The following QSOX2 variants were observed in gnomAD, a reference collection of about 807,000 sequenced individuals.
QSOX2 encodes quiescin sulfhydryl oxidase 2, also known as sulfhydryl oxidase 2.
QSOX2 carries 46 observed loss-of-function variants against 61.7 expected under a neutral mutation model. The observed-to-expected ratio is 0.75, with a 90% CI of 0.59 to 0.95. QSOX2 has a LOEUF of 0.95. Ranked by LOEUF, QSOX2 falls within the 40% of genes least tolerant of loss-of-function variation. QSOX2 has a pLI of 0.00. For missense variants in QSOX2, 879 were observed against 918.9 expected (o/e 0.96, Z 0.56); for synonymous variants, 383 against 388.4 (o/e 0.99, Z 0.16).
rs1326355036 is a variant in QSOX2 at position 136,209,332 on chromosome 9, G to A, written c.1550-57C>T. On this transcript the variant is annotated intron_variant, in intron 11 of 11. Transcript: ENST00000358701. This position sits in a 1 kb window ranked among gnomAD's most constrained non-coding sequence, Gnocchi z 5.6. ...GGAAGGAGGCTTTGTGCAGCCACGT[G>A]CAGCGTGCGGCAACCGGACTCCCAC... 6.4e-7 allele frequency: 1 copy of A among 1,564,792 alleles called. No homozygotes were observed. The highest frequency in any genetic ancestry group is 8.7e-7 in the Non-Finnish European group (1 of 1,153,312).
Position 136,234,907 on chromosome 9 carries a change from T to C in QSOX2, c.329-8033A>G, listed in dbSNP as rs370723754. Among the ~76,000 whole-genome samples the C allele has an allele frequency of 1.3e-4, 18 of 143,610 alleles. No individual in the cohort carries two copies. The East Asian group carries it at 3.0e-3, about 24-fold the overall frequency. The allele number at this position is 143,610 out of a possible 152,430, so 94.2% of individuals were successfully genotyped here. A position where few individuals can be genotyped will look rare whatever the true frequency, so the allele number is the denominator to read the frequency against. ...CCACAGGCGAGTCTTGCTCCAGTCA[T>C]GTCTGGACTGTGTGACCCCCGCTCC... On this transcript the variant is annotated intron_variant, in intron 1 of 11. Coordinates refer to ENST00000358701, the MANE Select transcript of QSOX2 (RefSeq NM_181701.4).
rs988987252 is a variant in QSOX2 at position 136,221,271 on chromosome 9, C to T, written c.821+525G>A. Reference sequence around the variant, plus strand: ...GCGAAGGGCTTATCCTCATGAGGGGCACACGGGCACCCCACGCAGAGGCAA... The same window carrying T: ...GCGAAGGGCTTATCCTCATGAGGGGTACACGGGCACCCCACGCAGAGGCAA... On this transcript the variant is annotated intron_variant, in intron 6 of 11. Coordinates refer to ENST00000358701, the MANE Select transcript of QSOX2 (RefSeq NM_181701.4). The surrounding 1 kb of genome is among the most constrained non-coding windows in gnomAD (Gnocchi z 4.5). 3.9e-5 allele frequency among the ~76,000 whole-genome samples: 6 copies of T among 152,204 alleles called. No individual in the cohort carries two copies. Among genetic ancestry groups the T allele is most frequent in the Non-Finnish European group, 7.3e-5 (5 of 68,040 alleles).
At chr9:136,229,628 C>T (rs1383136023) in intron 1 of QSOX2, among the ~76,000 whole-genome samples, 1 of 152,162 alleles carries the variant, frequency 6.6e-6, no homozygotes, top group African/African-American at 2.4e-5. Flanking sequence ...TCAAGCCGGC[C>T]TAGAAACAGC....
Position 136,208,869 on chromosome 9 carries a change from G to A in QSOX2, c.1956C>T (p.Leu652=), listed in dbSNP as rs148735257. The change falls in exon 12 of 12, where the codon CTC becomes CTT. Residue 652 remains leucine, a synonymous_variant. Transcript: ENST00000358701. ...HKEVGGAAPF[L]GVDFSSLDMS... ...TGTCCAGGCTGGAGAAGTCAACCCC[G>A]AGGAAGGGTGCGGCCCCGCCCACCT... 32 of 1,613,984 alleles carry A rather than the reference G, an allele frequency of 2.0e-5. No individual in the cohort carries two copies. In the African/African-American group the frequency reaches 3.5e-4, roughly 17 times the overall value.
intron 1 of QSOX2, 30 bp downstream of exon 1, chr9:136,245,446 G>A (rs782720647): frequency 1.3e-6 from 2 of 1,552,518 alleles, no homozygotes; most frequent in South Asian, 1.1e-5. Context: ...CCCGGGGGTC[G>A]GGGGGTCCCC....
rs751628576 is a variant in QSOX2 at position 136,208,987 on chromosome 9, C to A, written c.1838G>T (p.Gly613Val). 6.2e-7 allele frequency: 1 copy of A among 1,613,784 alleles called. No homozygotes were observed. The highest frequency in any genetic ancestry group is 8.5e-7 in the Non-Finnish European group (1 of 1,179,790). The change falls in exon 12 of 12, where the codon GGT becomes GTT. Residue 613 changes from glycine to valine, a missense_variant. Gly to Val is a moderately radical substitution (Grantham distance 109). Coordinates refer to ENST00000358701, the MANE Select transcript of QSOX2 (RefSeq NM_181701.4). ...DRDTQSVRPP[G>V]ALGPRPALPE... ...AAGGGCAGGCCTGGGGCCCAGTGCA[C>A]CAGGTGGACGGACGCTCTGGGTGTC...
rs1830391632 is a variant in QSOX2 at position 136,237,125 on chromosome 9, A to ATCCTGGGCCGGCGTCACCTGGAGCCCG, written c.328+8324_328+8350dup. 3.0e-4 allele frequency among the ~76,000 whole-genome samples: 19 copies of ATCCTGGGCCGGCGTCACCTGGAGCCCG among 62,500 alleles called. No individual in the cohort carries two copies. The South Asian group carries it at 9.9e-3, about 33-fold the overall frequency. 41.0% of individuals were successfully genotyped at this position (62,500 alleles called of 152,430 possible). The stretch of plus-strand genomic sequence containing the variant: ...CTGTCTTGTGCCACACCTGGAGCCC[A>ATCCTGGGCCGGCGTCACCTGGAGCCCG]TCCTGGGCCGGCGTCACCTGGAGCC... On this transcript the variant is annotated intron_variant, in intron 1 of 11. Transcript: ENST00000358701.
intron 1 of QSOX2, among the ~76,000 whole-genome samples, chr9:136,236,848 T>C (rs1457075118): frequency 6.8e-6 from 1 of 146,846 alleles, no homozygotes; most frequent in African/African-American, 2.6e-5. Flanking sequence ...GTCCCACACC[T>C]GGAGCCTGTC....
chr9:136,227,949 C>T (rs1830297405), intron 1 of QSOX2, among the ~76,000 whole-genome samples: 1 of 151,464 alleles, frequency 6.6e-6, no homozygotes, highest in Admixed American at 6.6e-5. Context: ...GAGGCTCCAC[C>T]TTAAGAAAAA....
chr9:136,245,398 T>TTC (rs1179396324), intron 1 of QSOX2, 78 bp downstream of exon 1: 16 of 1,273,634 alleles, frequency 1.3e-5, no homozygotes, highest in Non-Finnish European at 1.7e-5. Flanking sequence ...GGGACCCGCC[T>TTC]TCTGGGGCGG....
intron 8 of QSOX2, among the ~76,000 whole-genome samples, chr9:136,218,259 C>T (rs1831936565): frequency 6.6e-6 from 1 of 152,190 alleles, no homozygotes; most frequent in South Asian, 2.1e-4. Context: ...CTGAACCTGG[C>T]TGGTGGGGCA....
intron 1 of QSOX2, among the ~76,000 whole-genome samples, chr9:136,239,475 C>G (rs1200391126): frequency 6.6e-6 from 1 of 152,256 alleles, no homozygotes; most frequent in East Asian, 1.9e-4. Context: ...CTGTCTGCTA[C>G]TCCCTCTAAA....
At chr9:136,226,932 G>A (rs1395114283) in intron 1 of QSOX2, 58 bp from the exon 2 acceptor site, 2 of 1,473,422 alleles carry the variant, frequency 1.4e-6, no homozygotes, top group African/African-American at 1.4e-5. Flanking sequence ...GGGAAGCCCA[G>A]GACCCAGCAG....
Position 136,243,308 on chromosome 9 carries a change from G to A in QSOX2, c.328+2168C>T, listed in dbSNP as rs185872664. The stretch of plus-strand genomic sequence containing the variant: ...TTCCTGGATCTAGGAGACATTTAAC[G>A]AGTCTGACAGCATTCAGGTCTGAAA... On this transcript the variant is annotated intron_variant, in intron 1 of 11. Transcript: ENST00000358701. 4.6e-3 allele frequency among the ~76,000 whole-genome samples: 707 copies of A among 152,230 alleles called. 5 individuals carry two copies. Among genetic ancestry groups the A allele is most frequent in the Non-Finnish European group, 4.4e-3 (300 of 68,022 alleles).
chr9:136,226,617 T>G (rs1001262253), intron 2 of QSOX2, among the ~76,000 whole-genome samples, 157 bp downstream of exon 2: 3 of 152,136 alleles, frequency 2.0e-5, no homozygotes, highest in Non-Finnish European at 4.4e-5. Flanking sequence ...CATCAGCTCC[T>G]ACAATTCCTA....
chr9:136,224,040 C>T lies in QSOX2; in HGVS notation c.551G>A (p.Arg184Gln), dbSNP rs754829677. ...GTCTAGGCGCGGGCAGGCAGGGGGC[C>T]GGCTTCCTTCCGTGTGGTTCTGCAG... The part of the protein sequence containing the change: ...DFLQNHTEGS[R>Q]PPACPRLDPI... The change falls in exon 4 of 12, where the codon CGG becomes CAG. Residue 184 changes from arginine (R) to glutamine (Q), a missense_variant. Physicochemically the swap from Arg to Gln is conservative, Grantham distance 43. Coordinates refer to ENST00000358701, the MANE Select transcript of QSOX2 (RefSeq NM_181701.4). 9.9e-6 allele frequency: 16 copies of T among 1,613,890 alleles called. No individual in the cohort carries two copies. Among genetic ancestry groups the T allele is most frequent in the East Asian group, 4.5e-5 (2 of 44,884 alleles).
chr9:136,241,984 G>A lies in QSOX2; in HGVS notation c.328+3492C>T, dbSNP rs568053898. Reference sequence around the variant, plus strand: ...ATTTCGGAGATCTCACCGGTCAGACGGGCCAAAGTGTAGCCCCAGGCCCTG... The same window carrying A: ...ATTTCGGAGATCTCACCGGTCAGACAGGCCAAAGTGTAGCCCCAGGCCCTG... On this transcript the variant is annotated intron_variant, in intron 1 of 11. Coordinates refer to ENST00000358701, the MANE Select transcript of QSOX2 (RefSeq NM_181701.4). Among the ~76,000 whole-genome samples the A allele has an allele frequency of 3.3e-5, 5 of 152,320 alleles. No homozygotes were observed. In the South Asian group the frequency reaches 8.3e-4, roughly 25 times the overall value.
rs1445603953 is a variant in QSOX2 at position 136,222,003 on chromosome 9, G to A, written c.676-62C>T. The A allele has an allele frequency of 1.6e-5, 24 of 1,480,008 alleles. No individual in the cohort carries two copies. In the South Asian group the frequency reaches 2.1e-4, roughly 13 times the overall value. The allele number at this position is 1,480,008 out of a possible 1,614,324, so 91.7% of individuals were successfully genotyped here. A position where few individuals can be genotyped will look rare whatever the true frequency, so the allele number is the denominator to read the frequency against. Reference sequence around the variant, plus strand: ...CTGGCAGTTTCTCAGAAAACACGACGTGCAGACACATGGCCTTGCAGGGAA... The same window carrying A: ...CTGGCAGTTTCTCAGAAAACACGACATGCAGACACATGGCCTTGCAGGGAA... On this transcript the variant is annotated intron_variant, in intron 5 of 11. Transcript: ENST00000358701. This position sits in a 1 kb window ranked among gnomAD's most constrained non-coding sequence, Gnocchi z 6.9.
intron 1 of QSOX2, among the ~76,000 whole-genome samples, chr9:136,237,885 G>T (rs1830403452): frequency 6.6e-6 from 1 of 152,274 alleles, no homozygotes; most frequent in African/African-American, 2.4e-5. Flanking sequence ...CTTCCACTGG[G>T]ACTGCTGAAG....
Sources: gnomAD v4.1 joint callset for allele counts (sites outside exome capture counted in the v4.1 genomes callset) on GRCh38, gnomAD v4.1.1 for gene constraint, Gnocchi (gnomAD v3.1) non-coding constraint, MANE v1.5 for transcripts, NCBI Gene and HGNC (gene_info 2026-07-23, HGNC 2026-07-21) for gene names.